The following RABGAP1L variants were observed in gnomAD, a reference collection of about 807,000 sequenced individuals.
RABGAP1L encodes RAB GTPase activating protein 1 like, also known as rab GTPase-activating protein 1-like.
Under a neutral mutation model 137.7 loss-of-function variants are expected in RABGAP1L, and 63 were observed. The observed-to-expected ratio is 0.46, with a 90% CI of 0.37 to 0.56. The LOEUF (loss-of-function observed/expected upper bound fraction) is 0.56, where lower values mean the gene tolerates loss of function less well. RABGAP1L is among the 20% of genes least tolerant of loss of function. The pLI, the probability that RABGAP1L is intolerant of heterozygous loss-of-function variation, is 0.00. For synonymous variants in RABGAP1L, 431 were observed against 433.7 expected (o/e 0.99, Z 0.08); for missense variants, 1,095 against 1,244.0 (o/e 0.88, Z 1.80).
At chr1:174,743,121 C>T (rs1040831507) in intron 17 of RABGAP1L, among the ~76,000 whole-genome samples, 9 of 152,108 alleles carry the variant, frequency 5.9e-5, no homozygotes, top group Non-Finnish European at 1.2e-4. Flanking sequence ...CTGCAGCAGA[C>T]GAGATGAGAT....
intron 5 of RABGAP1L, among the ~76,000 whole-genome samples, chr1:174,249,598 T>C (rs2148589951): frequency 6.9e-6 from 1 of 145,122 alleles, no homozygotes; most frequent in South Asian, 2.2e-4. Context: ...ATTTGAAAGA[T>C]AGCTTTTTTT....
At chr1:174,638,987 G>A (rs1391795989) in intron 14 of RABGAP1L, among the ~76,000 whole-genome samples, 3 of 147,296 alleles carry the variant, frequency 2.0e-5, no homozygotes, top group Non-Finnish European at 3.0e-5. Context: ...GTATACATAT[G>A]TATCTAACCT....
intron 13 of RABGAP1L, among the ~76,000 whole-genome samples, chr1:174,538,391 G>A (rs7547843): frequency 0.078 from 11,919 of 152,026 alleles, 652 homozygotes; most frequent in East Asian, 0.32. Flanking sequence ...TATAAACTAC[G>A]TAAGAATAAT....
At position 174,865,774 on chromosome 1, in the gene RABGAP1L, A is replaced by C. The variant is rs1409920908; in HGVS notation, c.2340+53814A>C. On this transcript the variant is annotated intron_variant, in intron 19 of 25. Transcript: ENST00000681986. The stretch of plus-strand genomic sequence containing the variant: ...CATAGCAAGAACCTGTAACTTTTTA[A>C]AAAAGGAAATATTAGATTATTAGTA... 2.0e-5 allele frequency among the ~76,000 whole-genome samples: 3 copies of C among 152,326 alleles called. No homozygotes were observed. The East Asian group carries it at 5.8e-4, about 29-fold the overall frequency.
chr1:174,623,462 T>C (rs1672700411), intron 13 of RABGAP1L, among the ~76,000 whole-genome samples: 2 of 152,308 alleles, frequency 1.3e-5, no homozygotes, highest in South Asian at 4.1e-4. Context: ...TACTCATAGT[T>C]ACAGTGTATT....
At chr1:174,558,921 C>G (rs1171999997) in intron 13 of RABGAP1L, among the ~76,000 whole-genome samples, 1 of 152,064 alleles carries the variant, frequency 6.6e-6, no homozygotes, top group African/African-American at 2.4e-5. Flanking sequence ...TGGAAGAAAC[C>G]TGAAGGTAGC....
At chr1:174,766,088 T>A (rs1164828865) in intron 18 of RABGAP1L, among the ~76,000 whole-genome samples, 3 of 152,140 alleles carry the variant, frequency 2.0e-5, no homozygotes, top group African/African-American at 7.2e-5. Flanking sequence ...AAGAGGACAT[T>A]GGGACACAGA....
chr1:174,800,577 A>C, intron 18 of RABGAP1L: 1 of 1,493,442 alleles, frequency 6.7e-7, no homozygotes, highest in East Asian at 2.5e-5. Context: ...TCTCTGAAAG[A>C]GGCTTGTTGT....
intron 13 of RABGAP1L, among the ~76,000 whole-genome samples, chr1:174,514,110 A>G (rs1419312844): frequency 6.6e-6 from 1 of 152,176 alleles, no homozygotes; most frequent in African/African-American, 2.4e-5. Context: ...CAATATAAGC[A>G]TATGGCTATT....
At chr1:174,786,550 A>G (rs1489661860) in intron 18 of RABGAP1L, among the ~76,000 whole-genome samples, 1 of 152,232 alleles carries the variant, frequency 6.6e-6, no homozygotes, top group African/African-American at 2.4e-5. Context: ...CTAGGTCATC[A>G]TCATGAGAAC....
At chr1:174,711,594 C>T (rs983553589) in intron 17 of RABGAP1L, among the ~76,000 whole-genome samples, 3 of 152,196 alleles carry the variant, frequency 2.0e-5, no homozygotes, top group African/African-American at 7.2e-5. Context: ...CCCACCCGCA[C>T]CACGCTCGAA....
At chr1:174,333,447 T>C (rs1681209483) in intron 11 of RABGAP1L, among the ~76,000 whole-genome samples, 1 of 152,218 alleles carries the variant, frequency 6.6e-6, no homozygotes, top group African/African-American at 2.4e-5. Context: ...TGTATAATTA[T>C]TACATGTCAA....
At chr1:174,489,822 T>C (rs920817454) in intron 13 of RABGAP1L, among the ~76,000 whole-genome samples, 1 of 152,108 alleles carries the variant, frequency 6.6e-6, no homozygotes, top group African/African-American at 2.4e-5. Flanking sequence ...AAATGTGACA[T>C]ATTTACACTA....
At chr1:174,631,794 C>G (rs1203381064) in intron 13 of RABGAP1L, among the ~76,000 whole-genome samples, 1 of 150,454 alleles carries the variant, frequency 6.6e-6, no homozygotes, top group East Asian at 1.9e-4. Context: ...TGTCTCTGCA[C>G]GTGAGATGGG....
At chr1:174,508,801 T>C (rs1457791254) in intron 13 of RABGAP1L, among the ~76,000 whole-genome samples, 1 of 152,288 alleles carries the variant, frequency 6.6e-6, no homozygotes, top group African/African-American at 2.4e-5. Context: ...AATAATGATA[T>C]TAAAAACATT....
At chr1:174,787,388 G>A (rs577948747) in intron 18 of RABGAP1L, among the ~76,000 whole-genome samples, 3 of 134,630 alleles carry the variant, frequency 2.2e-5, no homozygotes, top group Admixed American at 7.9e-5. Flanking sequence ...GGGTGACAGA[G>A]CAAGACTCTG....
At chr1:174,871,304 T>G (rs1279551091) in intron 19 of RABGAP1L, among the ~76,000 whole-genome samples, 1 of 152,126 alleles carries the variant, frequency 6.6e-6, no homozygotes, top group Non-Finnish European at 1.5e-5. Flanking sequence ...TAGATAATTT[T>G]TATACTTTTA....
chr1:174,281,079 T>C (rs1675486373), intron 10 of RABGAP1L, among the ~76,000 whole-genome samples: 1 of 152,076 alleles, frequency 6.6e-6, no homozygotes, highest in African/African-American at 2.4e-5. Flanking sequence ...GCTGCAGACC[T>C]TCGCGGTGAG....
chr1:174,226,966 A>G (rs1008608080), intron 3 of RABGAP1L, among the ~76,000 whole-genome samples: 3 of 152,086 alleles, frequency 2.0e-5, no homozygotes, highest in Non-Finnish European at 2.9e-5. Context: ...TGGTTTTTAC[A>G]TTTTTAAATG....
Sources: allele counts gnomAD v4.1 joint callset (sites outside exome capture counted in the v4.1 genomes callset), GRCh38; gene constraint gnomAD v4.1.1; transcripts MANE v1.5; gene names NCBI Gene and HGNC (gene_info 2026-07-23, HGNC 2026-07-21).